SPOCK3: variants seen among roughly 807,000 people sequenced by gnomAD.
SPOCK3 encodes the protein testican-3.
Under a neutral mutation model 56.6 loss-of-function variants are expected in SPOCK3, and 30 were observed. The ratio of observed to expected loss-of-function variants is 0.53; its 90% CI spans 0.40 to 0.72. The LOEUF is 0.72. Among genes scored for constraint, SPOCK3 ranks in the 30% least tolerant of loss-of-function variants. The pLI is 0.00. For missense variants in SPOCK3, 527 were observed against 530.0 expected, an observed-to-expected ratio of 0.99 and a Z score of 0.06; for synonymous variants, 196 against 183.3, an observed-to-expected ratio of 1.07 and a Z score of -0.56.
chr4:166,767,025 G>A (rs1011502157), intron 7 of SPOCK3, among the ~76,000 whole-genome samples: 14 of 152,048 alleles, frequency 9.2e-5, no homozygotes, highest in African/African-American at 3.1e-4. Context: ...CTGTGGGATC[G>A]GTGGTGATAT....
At chr4:166,740,435 G>T (rs1033096118) in intron 9 of SPOCK3, among the ~76,000 whole-genome samples, 11 of 150,670 alleles carry the variant, frequency 7.3e-5, no homozygotes, top group African/African-American at 2.7e-4. Context: ...GAATTTCAAT[G>T]GCTTTCTTTA....
chr4:166,862,455 A>C (rs75602934), intron 6 of SPOCK3, among the ~76,000 whole-genome samples: 1,673 of 152,262 alleles, frequency 0.011, 39 homozygotes, highest in African/African-American at 0.038. Context: ...AGAGAGTATA[A>C]GAAAAATAAC....
Position 167,113,898 on chromosome 4 carries a change from A to G in SPOCK3, c.190-51361T>C, listed in dbSNP as rs10004531. On this transcript the variant is annotated intron_variant, in intron 2 of 10. Coordinates refer to ENST00000357545, the MANE Select transcript of SPOCK3 (RefSeq NM_001040159.2). ...TGCTGCTTCCCACTCTCTAAACCCA[A>G]TAAGAAGCCATTCAGGAAGGGAGTG... Among the ~76,000 whole-genome samples, 1,210 of 152,202 alleles carry G rather than the reference A, an allele frequency of 7.9e-3. 14 individuals carry two copies. Among genetic ancestry groups the G allele is most frequent in the African/African-American group, 0.028 (1,154 of 41,548 alleles).
intron 6 of SPOCK3, among the ~76,000 whole-genome samples, chr4:166,841,479 A>C (rs1747323893): frequency 2.0e-5 from 3 of 152,220 alleles, no homozygotes; most frequent in African/African-American, 7.2e-5. Flanking sequence ...ACTGGCTTCT[A>C]TTGTTAAAAA....
chr4:167,125,449 C>T (rs1395405394), intron 2 of SPOCK3, among the ~76,000 whole-genome samples: 1 of 149,498 alleles, frequency 6.7e-6, no homozygotes, highest in Admixed American at 6.6e-5. Context: ...CGCGGTGGCT[C>T]ACGCCTGTAA....
chr4:167,180,004 G>A (rs1731310064), intron 2 of SPOCK3, among the ~76,000 whole-genome samples: 1 of 152,162 alleles, frequency 6.6e-6, no homozygotes, highest in Admixed American at 6.5e-5. Context: ...ACTGCAAGAA[G>A]GGAATGTGGC....
chr4:166,981,316 G>T (rs187175124), intron 4 of SPOCK3, among the ~76,000 whole-genome samples: 1 of 152,072 alleles, frequency 6.6e-6, no homozygotes, highest in African/African-American at 2.4e-5. Context: ...CCACAGGCAG[G>T]TCATCCCAAC....
intron 7 of SPOCK3, among the ~76,000 whole-genome samples, chr4:166,755,103 C>A (rs1406269062): frequency 6.6e-6 from 1 of 151,810 alleles, no homozygotes; most frequent in African/African-American, 2.4e-5. Context: ...ATCCTATGAA[C>A]AAAAAATAAA....
At chr4:167,140,283 C>A (rs1444716083) in intron 2 of SPOCK3, among the ~76,000 whole-genome samples, 1 of 152,002 alleles carries the variant, frequency 6.6e-6, no homozygotes, top group African/African-American at 2.4e-5. Flanking sequence ...AGAAATCTTG[C>A]AGAACATATT....
chr4:166,998,355 T>C (rs572703554), intron 4 of SPOCK3, among the ~76,000 whole-genome samples: 1 of 152,260 alleles, frequency 6.6e-6, no homozygotes, highest in South Asian at 2.1e-4. Context: ...TAAGGATCTT[T>C]CAATTTTATA....
chr4:166,949,015 C>T (rs1742151854), intron 4 of SPOCK3, among the ~76,000 whole-genome samples: 1 of 152,162 alleles, frequency 6.6e-6, no homozygotes, highest in African/African-American at 2.4e-5. Context: ...CAGATAGTCC[C>T]ATATTTCTTG....
chr4:167,146,916 C>T (rs1764011291), intron 2 of SPOCK3, among the ~76,000 whole-genome samples: 1 of 151,954 alleles, frequency 6.6e-6, no homozygotes, highest in Non-Finnish European at 1.5e-5. Context: ...GAAGCAAGAG[C>T]AAGCAAATTT....
At chr4:167,109,413 AT>A (rs1426118578) in intron 2 of SPOCK3, among the ~76,000 whole-genome samples, 211 of 82,124 alleles carry the variant, frequency 2.6e-3, no homozygotes, top group Admixed American at 3.3e-3. Flanking sequence ...ATATAAATAT[AT>A]ATATAAATAT....
intron 10 of SPOCK3, among the ~76,000 whole-genome samples, chr4:166,737,250 C>T (rs1351482866): frequency 6.6e-6 from 1 of 152,120 alleles, no homozygotes; most frequent in East Asian, 1.9e-4. Context: ...TTTAATTAAT[C>T]TCTCTAGAAA....
intron 4 of SPOCK3, among the ~76,000 whole-genome samples, chr4:166,914,376 T>C (rs1043872016): frequency 2.0e-5 from 3 of 152,100 alleles, no homozygotes; most frequent in Non-Finnish European, 4.4e-5. Flanking sequence ...TAAACATTGT[T>C]GTATTAATAA....
chr4:166,982,506 C>T (rs1031289137), intron 4 of SPOCK3, among the ~76,000 whole-genome samples: 3 of 152,034 alleles, frequency 2.0e-5, no homozygotes, highest in Non-Finnish European at 4.4e-5. Context: ...GAGCCAAGAT[C>T]GCACCACTGC....
chr4:166,927,420 C>T (rs2149989381), intron 4 of SPOCK3, among the ~76,000 whole-genome samples: 1 of 152,296 alleles, frequency 6.6e-6, no homozygotes, highest in Admixed American at 6.5e-5. Context: ...TAAGGAGTGC[C>T]TTTCACCTTT....
intron 2 of SPOCK3, among the ~76,000 whole-genome samples, chr4:167,223,637 G>A (rs942940751): frequency 6.6e-6 from 1 of 151,834 alleles, no homozygotes; most frequent in Non-Finnish European, 1.5e-5. Context: ...TCCATATGGG[G>A]ATATTACTAA....
intron 8 of SPOCK3, among the ~76,000 whole-genome samples, chr4:166,752,392 A>G (rs1736489828): frequency 6.6e-6 from 1 of 152,108 alleles, no homozygotes; most frequent in South Asian, 2.1e-4. Context: ...GTTACTTTTT[A>G]GAAAAACATC....
Sources: allele counts gnomAD v4.1 joint callset (sites outside exome capture counted in the v4.1 genomes callset), GRCh38; gene constraint gnomAD v4.1.1; transcripts MANE v1.5; gene names NCBI Gene and HGNC (gene_info 2026-07-23, HGNC 2026-07-21).